TRHDE: variants seen among roughly 807,000 people sequenced by gnomAD.
The protein encoded by TRHDE is thyrotropin releasing hormone degrading enzyme.
In TRHDE, 72 loss-of-function variants were observed where a neutral mutation model predicts 125.7. That is an observed-to-expected ratio of 0.57 (90% CI 0.47 to 0.70). TRHDE has a LOEUF of 0.70. Ranked by LOEUF, TRHDE falls within the 30% of genes least tolerant of loss-of-function variation. The probability of loss-of-function intolerance (pLI) is 0.00; values close to 1 mark genes in which losing one functional copy is unlikely to be tolerated. For synonymous variants in TRHDE, 509 were observed against 509.1 expected, an observed-to-expected ratio of 1.00 and a Z score of 0.00; for missense variants, 1,110 against 1,327.1, an observed-to-expected ratio of 0.84 and a Z score of 2.54.
At chr12:72,186,324 C>T (rs534285172) in intron 2 of TRHDE, 2 of 158,606 alleles carry the variant, frequency 1.3e-5, no homozygotes, top group African/African-American at 5.0e-5. Flanking sequence ...TCTGCAGCTT[C>T]ACTCCTGAGC....
At chr12:72,353,472 T>A (rs2135742958) in intron 2 of TRHDE, among the ~76,000 whole-genome samples, 1 of 151,748 alleles carries the variant, frequency 6.6e-6, no homozygotes, top group Non-Finnish European at 1.5e-5. Flanking sequence ...ACAGCTAACA[T>A]TTTCTTGTCA....
intron 2 of TRHDE, among the ~76,000 whole-genome samples, chr12:72,111,267 A>G (rs1647436557): frequency 6.6e-6 from 1 of 152,166 alleles, no homozygotes; most frequent in Non-Finnish European, 1.5e-5. Flanking sequence ...CTGATGATGT[A>G]TGTTAGATAC....
chr12:72,389,479 C>G (rs1251397461), intron 3 of TRHDE, among the ~76,000 whole-genome samples: 1 of 152,138 alleles, frequency 6.6e-6, no homozygotes, highest in Non-Finnish European at 1.5e-5. Flanking sequence ...GACCGGGTGA[C>G]TAAACAACAG....
intron 10 of TRHDE, among the ~76,000 whole-genome samples, chr12:72,574,613 A>G (rs1870902567): frequency 6.6e-6 from 1 of 152,202 alleles, no homozygotes; most frequent in East Asian, 1.9e-4. Flanking sequence ...CTGTTAATTG[A>G]ATTAGCTGGT....
chr12:72,589,897 C>A (rs1169537020), intron 12 of TRHDE, among the ~76,000 whole-genome samples: 2 of 151,664 alleles, frequency 1.3e-5, no homozygotes, highest in Non-Finnish European at 2.9e-5. Context: ...TCATTTATTT[C>A]TACTCTTTAT....
chr12:72,414,909 T>G (rs1485176387), intron 3 of TRHDE, among the ~76,000 whole-genome samples: 1 of 152,142 alleles, frequency 6.6e-6, no homozygotes, highest in Non-Finnish European at 1.5e-5. Flanking sequence ...TTCAGAAAAT[T>G]TAATGACTTA....
intron 3 of TRHDE, among the ~76,000 whole-genome samples, chr12:72,447,662 T>G (rs1875365477): frequency 6.6e-6 from 1 of 152,048 alleles, no homozygotes; most frequent in African/African-American, 2.4e-5. Flanking sequence ...TGAATACTAT[T>G]TTTAAAATCA....
At chr12:72,200,462 CTTGAG>C (rs1263039620) in intron 2 of TRHDE, among the ~76,000 whole-genome samples, 1 of 146,930 alleles carries the variant, frequency 6.8e-6, no homozygotes, top group Non-Finnish European at 1.5e-5. Flanking sequence ...GGTATCTCAT[CTTGAG>C]TTATGTTTTC....
At chr12:72,600,943 C>T (rs777082052) in intron 12 of TRHDE, among the ~76,000 whole-genome samples, 8 of 152,040 alleles carry the variant, frequency 5.3e-5, no homozygotes, top group Non-Finnish European at 1.2e-4. Flanking sequence ...AACATCCATT[C>T]TACAACCTGT....
At chr12:72,149,077 T>C (rs1421335158) in intron 2 of TRHDE, among the ~76,000 whole-genome samples, 1 of 152,186 alleles carries the variant, frequency 6.6e-6, no homozygotes, top group Non-Finnish European at 1.5e-5. Context: ...TGCCTTCTTT[T>C]TGGCAAATTC....
At chr12:72,523,931 A>C (rs1267735873) in intron 6 of TRHDE, among the ~76,000 whole-genome samples, 2 of 152,168 alleles carry the variant, frequency 1.3e-5, no homozygotes, top group African/African-American at 4.8e-5. Flanking sequence ...AAAAAGCAGA[A>C]GCCGGAAGTG....
chr12:72,145,358 T>C (rs1039469146), intron 2 of TRHDE, among the ~76,000 whole-genome samples: 1 of 152,224 alleles, frequency 6.6e-6, no homozygotes. Flanking sequence ...ATGTTTCATT[T>C]AAAATTATGT....
At chr12:72,330,782 G>A (rs1298203734) in intron 2 of TRHDE, among the ~76,000 whole-genome samples, 1 of 152,120 alleles carries the variant, frequency 6.6e-6, no homozygotes, top group Non-Finnish European at 1.5e-5. Flanking sequence ...TCCCTCCTGT[G>A]CCTGACACTA....
intron 2 of TRHDE, among the ~76,000 whole-genome samples, chr12:72,352,928 C>A (rs1240649615): frequency 6.6e-6 from 1 of 150,784 alleles, no homozygotes; most frequent in Non-Finnish European, 1.5e-5. Context: ...GAAAATTTGA[C>A]AGAATTTGTA....
chr12:72,525,294 T>C (rs1443141834), intron 6 of TRHDE, among the ~76,000 whole-genome samples: 1 of 152,146 alleles, frequency 6.6e-6, no homozygotes, highest in African/African-American at 2.4e-5. Context: ...CTTTGTCCTT[T>C]AGATATGTGC....
chr12:72,487,279 TAGTCCCCAAAC>T (rs1330672477), intron 5 of TRHDE, among the ~76,000 whole-genome samples: 2 of 152,150 alleles, frequency 1.3e-5, no homozygotes, highest in Non-Finnish European at 2.9e-5. Flanking sequence ...ATATTGTCAG[TAGTCCCCAAAC>T]AGTCGCCAAA....
At position 72,383,751 on chromosome 12, in the gene TRHDE, A is replaced by G. The variant is rs529094200; in HGVS notation, c.1315+5630A>G. ...TTTTTTTTCATTTTCCAGATGAGGA[A>G]ATTTAGGCACTCAGTGACTAAGTAA... On this transcript the variant is annotated intron_variant, in intron 3 of 18. Coordinates refer to ENST00000261180, the MANE Select transcript of TRHDE (RefSeq NM_013381.3). 2.3e-4 allele frequency among the ~76,000 whole-genome samples: 34 copies of G among 150,952 alleles called. No homozygotes were observed. The East Asian group carries it at 6.2e-3, about 28-fold the overall frequency.
chr12:72,576,927 C>T (rs1871022166), intron 12 of TRHDE, among the ~76,000 whole-genome samples: 1 of 152,064 alleles, frequency 6.6e-6, no homozygotes, highest in Admixed American at 6.6e-5. Flanking sequence ...TAAACGAAGG[C>T]TTTTCCATGC....
intron 18 of TRHDE, among the ~76,000 whole-genome samples, chr12:72,658,565 G>A (rs901732691): frequency 1.3e-5 from 2 of 151,496 alleles, no homozygotes; most frequent in African/African-American, 4.9e-5. Context: ...CCTGGACTTG[G>A]TATTACCCAG....
Sources: gnomAD v4.1 joint callset for allele counts (sites outside exome capture counted in the v4.1 genomes callset) on GRCh38, gnomAD v4.1.1 for gene constraint, MANE v1.5 for transcripts, NCBI Gene and HGNC (gene_info 2026-07-23, HGNC 2026-07-21) for gene names.